Variants in DNAH9 observed in about 807,000 individuals in gnomAD.
DNAH9 encodes the protein dynein axonemal heavy chain 9.
DNAH9 carries 345 observed loss-of-function variants against 471.6 expected under a neutral mutation model. The observed-to-expected ratio is 0.73, with a 90% confidence interval of 0.67 to 0.80. The LOEUF (loss-of-function observed/expected upper bound fraction) is 0.80, where lower values mean the gene tolerates loss of function less well. DNAH9 is among the 30% of genes least tolerant of loss of function. The probability of loss-of-function intolerance (pLI) is 0.00; values close to 1 mark genes in which losing one functional copy is unlikely to be tolerated. For synonymous variants in DNAH9, 2,093 were observed against 2,123.6 expected (o/e 0.99, Z 0.40); for missense variants, 5,407 against 5,609.2 (o/e 0.96, Z 1.15).
At chr17:11,720,277 C>T (rs145711461) in intron 27 of DNAH9, among the ~76,000 whole-genome samples, 4 of 149,622 alleles carry the variant, frequency 2.7e-5, no homozygotes, top group East Asian at 2.0e-4. Flanking sequence ...ACTTTAAGTT[C>T]TAGGGTACAT....
Position 11,797,644 on chromosome 17 carries a change from T to C in DNAH9, c.8271T>C (p.Cys2757=), listed in dbSNP as rs761795827. ...VEQTQSPNLY[C]HFANGIGEPK... The stretch of plus-strand genomic sequence containing the variant: ...AGACCCAAAGCCCGAACCTGTATTG[T>C]CACTTTGCAAATGGTATTGGGGAGC... Residue 2757 remains cysteine, a synonymous_variant, in exon 43 of 69, where the codon TGT becomes TGC. Transcript: ENST00000262442. 6.2e-7 allele frequency: 1 copy of C among 1,614,152 alleles called. No individual in the cohort carries two copies. Among genetic ancestry groups the C allele is most frequent in the South Asian group, 1.1e-5 (1 of 91,080 alleles).
intron 50 of DNAH9, among the ~76,000 whole-genome samples, chr17:11,861,211 G>A (rs2150977257): frequency 6.6e-6 from 1 of 151,630 alleles, no homozygotes; most frequent in Middle Eastern, 3.4e-3. Flanking sequence ...AGAGTGTGAT[G>A]TTCCCCTTCC....
chr17:11,962,304 A>T lies in DNAH9; in HGVS notation c.13233+48A>T. The T allele has an allele frequency of 1.3e-6, 2 of 1,526,844 alleles. No homozygotes were observed. The highest frequency in any genetic ancestry group is 2.5e-5 in the South Asian group (2 of 78,832). 94.6% of individuals were successfully genotyped at this position (1,526,844 alleles called of 1,614,324 possible). A position where few individuals can be genotyped will look rare whatever the true frequency, so the allele number is the denominator to read the frequency against. On this transcript the variant is annotated intron_variant, in intron 68 of 68. Coordinates refer to ENST00000262442, the MANE Select transcript of DNAH9 (RefSeq NM_001372.4). This position sits in a 1 kb window ranked among gnomAD's most constrained non-coding sequence, Gnocchi z 4.1. Reference sequence around the variant, plus strand: ...GGGCAGCTTTCTGGGGGCTGATTAAATACACATTGCTTCCTATGAAGTGTG... The same window carrying T: ...GGGCAGCTTTCTGGGGGCTGATTAATTACACATTGCTTCCTATGAAGTGTG...
intron 53 of DNAH9, among the ~76,000 whole-genome samples, chr17:11,877,345 C>T (rs113229938): frequency 0.045 from 6,808 of 150,962 alleles, 433 homozygotes; most frequent in African/African-American, 0.14. Context: ...TGGTAGCAGA[C>T]GCCTGTAATC....
At chr17:11,724,520 A>G (rs76964763) in intron 27 of DNAH9, among the ~76,000 whole-genome samples, 10,848 of 152,268 alleles carry the variant, frequency 0.071, 476 homozygotes, top group East Asian at 0.14. Context: ...CATTCTTTTC[A>G]ATGGCTGAAC....
chr17:11,843,795 G>A (rs931453290), intron 49 of DNAH9, among the ~76,000 whole-genome samples: 3 of 145,170 alleles, frequency 2.1e-5, no homozygotes, highest in African/African-American at 5.0e-5. Context: ...TTTGAAATTA[G>A]TATAGTGATT....
chr17:11,742,101 C>T, intron 29 of DNAH9, 74 bp from the exon 30 acceptor site: 1 of 1,413,004 alleles, frequency 7.1e-7, no homozygotes, highest in Admixed American at 1.8e-5. Flanking sequence ...TCGGCCAGTG[C>T]TTATTTTCTT....
At chr17:11,731,869 T>G (rs1425440644) in intron 28 of DNAH9, among the ~76,000 whole-genome samples, 1 of 152,166 alleles carries the variant, frequency 6.6e-6, no homozygotes, top group African/African-American at 2.4e-5. Context: ...TACATGTGCA[T>G]GTGTCTTTAT....
At chr17:11,724,473 T>A (rs2075118096) in intron 27 of DNAH9, among the ~76,000 whole-genome samples, 1 of 152,222 alleles carries the variant, frequency 6.6e-6, no homozygotes, top group South Asian at 2.1e-4. Context: ...GATAATATCC[T>A]CCAGGTCCAT....
chr17:11,673,188 C>CTTCAAA (rs2073998387), intron 17 of DNAH9, among the ~76,000 whole-genome samples: 1 of 152,204 alleles, frequency 6.6e-6, no homozygotes, highest in Non-Finnish European at 1.5e-5. Flanking sequence ...TTTCAGACTC[C>CTTCAAA]TGTTTCCTTC....
intron 22 of DNAH9, 72 bp from the exon 23 acceptor site, chr17:11,699,659 G>A (rs1343678636): frequency 1.5e-6 from 2 of 1,347,498 alleles, no homozygotes; most frequent in Admixed American, 1.7e-5. Flanking sequence ...CACATGGTAG[G>A]CCTCTAAACA....
intron 35 of DNAH9, among the ~76,000 whole-genome samples, chr17:11,763,168 A>G (rs1967787290): frequency 6.6e-6 from 1 of 152,016 alleles, no homozygotes; most frequent in Non-Finnish European, 1.5e-5. Flanking sequence ...GAAAGAGAAG[A>G]GGGAAGAAGA....
Position 11,942,866 on chromosome 17 carries a change from C to T in DNAH9, c.12843+381C>T, listed in dbSNP as rs565168779. 9.9e-5 allele frequency among the ~76,000 whole-genome samples: 15 copies of T among 151,328 alleles called. No homozygotes were observed. In the South Asian group the frequency reaches 2.9e-3, roughly 30 times the overall value. ...GCCTTTGAGGAGCTGAGGAAGGTGA[C>T]TGCTGTCGATTTACATTGGCTTGTT... On this transcript the variant is annotated intron_variant, in intron 67 of 68. Transcript: ENST00000262442.
At chr17:11,821,549 A>T (rs1399629723) in intron 45 of DNAH9, among the ~76,000 whole-genome samples, 3 of 151,756 alleles carry the variant, frequency 2.0e-5, no homozygotes, top group African/African-American at 7.3e-5. Context: ...GGTATTTTGG[A>T]TCCTATTAGC....
chr17:11,894,986 G>T (rs969935170), intron 59 of DNAH9, among the ~76,000 whole-genome samples: 1 of 152,166 alleles, frequency 6.6e-6, no homozygotes, highest in African/African-American at 2.4e-5. Flanking sequence ...CCTTGGAAAT[G>T]CATTACCTTA....
intron 49 of DNAH9, among the ~76,000 whole-genome samples, chr17:11,850,694 A>G (rs1251900754): frequency 1.3e-5 from 2 of 151,310 alleles, no homozygotes; most frequent in Non-Finnish European, 2.9e-5. Context: ...TGTTTCTATT[A>G]GCACCACGCT....
rs375675096 is a variant in DNAH9, at chr17:11,698,426, G to A, written c.4873-1305G>A. Among the ~76,000 whole-genome samples, 39 of 147,296 alleles carry A rather than the reference G, an allele frequency of 2.6e-4. No individual in the cohort carries two copies. The South Asian group carries it at 8.2e-3, about 31-fold the overall frequency. On this transcript the variant is annotated intron_variant, in intron 22 of 68. Transcript: ENST00000262442. ...TATATGCTCTTCTTTGCCCTCTTGA[G>A]TCCTGTTTTCTCCTTTTAAATTTTG...
intron 10 of DNAH9, among the ~76,000 whole-genome samples, chr17:11,642,321 CT>C (rs2073290154): frequency 6.6e-6 from 1 of 151,980 alleles, no homozygotes; most frequent in South Asian, 2.1e-4. Flanking sequence ...GGTGGATCCC[CT>C]GAGGTCAGGA....
intron 52 of DNAH9, among the ~76,000 whole-genome samples, chr17:11,874,244 C>CAAAAA (rs770328921): frequency 0.47 from 49,052 of 104,928 alleles, 10,737 homozygotes; most frequent in Non-Finnish European, 0.5. Flanking sequence ...GATTCCATCT[C>CAAAAA]AAAAAAAAAA....
Sources: gnomAD v4.1 joint callset for allele counts (sites outside exome capture counted in the v4.1 genomes callset) on GRCh38, gnomAD v4.1.1 for gene constraint, Gnocchi (gnomAD v3.1) non-coding constraint, MANE v1.5 for transcripts, NCBI Gene and HGNC (gene_info 2026-07-23, HGNC 2026-07-21) for gene names.